Variants in CA10 observed in about 807,000 individuals in gnomAD.
CA10 encodes the protein carbonic anhydrase 10 (inactive).
In CA10, 14 loss-of-function variants were observed where a neutral mutation model predicts 44.2. That is an observed-to-expected ratio of 0.32 (90% confidence interval 0.21 to 0.50). CA10 has a LOEUF of 0.50. Ranked by LOEUF, CA10 falls within the 20% of genes least tolerant of loss-of-function variation. The pLI, the probability that CA10 is intolerant of heterozygous loss-of-function variation, is 0.99. For synonymous variants in CA10, 159 were observed against 141.6 expected (o/e 1.12, Z -0.87); for missense variants, 350 against 409.7 (o/e 0.85, Z 1.26).
intron 3 of CA10, among the ~76,000 whole-genome samples, chr17:51,778,021 T>C (rs1366984533): frequency 6.6e-6 from 1 of 152,150 alleles, no homozygotes; most frequent in Non-Finnish European, 1.5e-5. Context: ...CTCACAGCAC[T>C]CCCCTCAGTT....
At chr17:51,736,267 G>T (rs1320095073) in intron 4 of CA10, among the ~76,000 whole-genome samples, 1 of 152,158 alleles carries the variant, frequency 6.6e-6, no homozygotes, top group Non-Finnish European at 1.5e-5. Flanking sequence ...AGCTGCTCAT[G>T]CAAGTAGGTC....
intron 2 of CA10, among the ~76,000 whole-genome samples, chr17:52,027,252 AG>A (rs1276001962): frequency 6.6e-6 from 1 of 152,000 alleles, no homozygotes; most frequent in Non-Finnish European, 1.5e-5. Context: ...TGGTAATGTG[AG>A]TCATGGGGAG....
intron 2 of CA10, among the ~76,000 whole-genome samples, chr17:52,006,109 A>G (rs1253931724): frequency 6.6e-6 from 1 of 151,816 alleles, no homozygotes; most frequent in East Asian, 2.0e-4. Flanking sequence ...ATCGCTGATG[A>G]ACAGAGACCA....
chr17:51,847,536 A>C (rs192868279), intron 3 of CA10, among the ~76,000 whole-genome samples: 3 of 152,256 alleles, frequency 2.0e-5, no homozygotes, highest in African/African-American at 7.2e-5. Context: ...TCTAATTCCA[A>C]AATGCACTTC....
At chr17:51,650,600 C>T (rs1913529292) in intron 5 of CA10, among the ~76,000 whole-genome samples, 1 of 152,176 alleles carries the variant, frequency 6.6e-6, no homozygotes, top group Admixed American at 6.5e-5. Context: ...CTGCTCCCCT[C>T]AGTGCTATAT....
At chr17:52,012,724 T>C (rs568226096) in intron 2 of CA10, among the ~76,000 whole-genome samples, 2 of 152,098 alleles carry the variant, frequency 1.3e-5, no homozygotes, top group Admixed American at 1.3e-4. Flanking sequence ...TTCTAATTAA[T>C]TGTCTACAAT....
chr17:52,120,438 CCTTATCCTTAT>C (rs1335245940), intron 1 of CA10, among the ~76,000 whole-genome samples: 34 of 140,378 alleles, frequency 2.4e-4, no homozygotes, highest in African/African-American at 1.0e-3. Context: ...TTATCCTTAT[CCTTATCCTTAT>C]CCTTATCCTT....
intron 1 of CA10, among the ~76,000 whole-genome samples, chr17:52,094,844 C>A (rs543820030): frequency 2.4e-4 from 37 of 152,146 alleles, no homozygotes; most frequent in Non-Finnish European, 4.0e-4. Flanking sequence ...AACTGGAATT[C>A]TCATATACTG....
At chr17:52,034,923 G>A (rs1319595548) in intron 2 of CA10, among the ~76,000 whole-genome samples, 1 of 152,128 alleles carries the variant, frequency 6.6e-6, no homozygotes, top group East Asian at 1.9e-4. Flanking sequence ...TAGGGGAGTA[G>A]AATTAACTTT....
In CA10 at chr17:51,905,695, C is replaced by T. The variant is rs987826856; in HGVS notation, c.279+25295G>A. Among the ~76,000 whole-genome samples, 6 of 152,020 alleles carry T rather than the reference C, an allele frequency of 3.9e-5. No homozygotes were observed. In the South Asian group the frequency reaches 1.0e-3, roughly 26 times the overall value. On this transcript the variant is annotated intron_variant, in intron 3 of 8. Transcript: ENST00000451037. ...GGATAAAGATATACAGTTATCATTT[C>T]ATCTGTAACCATAAATCTCAAGTGT...
intron 4 of CA10, among the ~76,000 whole-genome samples, chr17:51,701,919 T>G (rs1051243114): frequency 2.6e-5 from 4 of 152,150 alleles, no homozygotes; most frequent in Admixed American, 2.0e-4. Context: ...CATGTGTACC[T>G]CCGGCCACCC....
chr17:51,719,033 G>T (rs1916270291), intron 4 of CA10, among the ~76,000 whole-genome samples: 1 of 152,134 alleles, frequency 6.6e-6, no homozygotes, highest in African/African-American at 2.4e-5. Context: ...CCTCACTCCA[G>T]CTCTTTATTC....
At chr17:51,745,642 G>A (rs975878434) in intron 4 of CA10, among the ~76,000 whole-genome samples, 2 of 152,092 alleles carry the variant, frequency 1.3e-5, no homozygotes, top group African/African-American at 2.4e-5. Context: ...CTAAAATTGT[G>A]GTTCACGTAT....
intron 2 of CA10, among the ~76,000 whole-genome samples, chr17:52,071,655 C>G (rs142516399): frequency 4.6e-5 from 7 of 152,112 alleles, no homozygotes; most frequent in Admixed American, 6.6e-5. Flanking sequence ...AAATATGTCA[C>G]CTGCCTTCCC....
chr17:51,652,338 T>C (rs1913605776), intron 5 of CA10, among the ~76,000 whole-genome samples: 1 of 152,244 alleles, frequency 6.6e-6, no homozygotes, highest in Non-Finnish European at 1.5e-5. Flanking sequence ...TACTGTTTAT[T>C]ATTCCAGGGT....
rs567796453 is a variant in CA10, at chr17:51,838,016, C to A, written c.280-90198G>T. 4.6e-5 allele frequency among the ~76,000 whole-genome samples: 7 copies of A among 152,288 alleles called. No homozygotes were observed. The South Asian group carries it at 1.5e-3, about 32-fold the overall frequency. On this transcript the variant is annotated intron_variant, in intron 3 of 8. Coordinates refer to ENST00000451037, the MANE Select transcript of CA10 (RefSeq NM_020178.5). ...AAATTGGAGGGCAAGTGTCTTGAAG[C>A]CTTTTATCTTTCCAACGTGTAATTA...
At chr17:51,989,402 T>G (rs1342178642) in intron 2 of CA10, among the ~76,000 whole-genome samples, 1 of 152,042 alleles carries the variant, frequency 6.6e-6, no homozygotes, top group Non-Finnish European at 1.5e-5. Context: ...CACTTATAAG[T>G]GAGAACATGT....
intron 1 of CA10, among the ~76,000 whole-genome samples, chr17:52,088,056 C>A (rs1435336683): frequency 6.6e-6 from 1 of 152,082 alleles, no homozygotes; most frequent in Non-Finnish European, 1.5e-5. Flanking sequence ...CAGGGAACAA[C>A]ATGCACTGGG....
chr17:51,660,640 G>A (rs368132838), intron 4 of CA10, among the ~76,000 whole-genome samples: 2 of 152,206 alleles, frequency 1.3e-5, no homozygotes, highest in East Asian at 1.9e-4. Flanking sequence ...TTCTCAGCGT[G>A]ATGCTCCATT....
Sources: gnomAD v4.1 joint callset for allele counts (sites outside exome capture counted in the v4.1 genomes callset) on GRCh38, gnomAD v4.1.1 for gene constraint, MANE v1.5 for transcripts, NCBI Gene and HGNC (gene_info 2026-07-23, HGNC 2026-07-21) for gene names.